The following TMEM132D variants were observed in gnomAD, a reference collection of about 807,000 sequenced individuals.
TMEM132D encodes the protein mature OL transmembrane protein.
A neutral mutation model predicts 62.3 loss-of-function variants in TMEM132D; 21 were observed. That is an observed-to-expected ratio of 0.34 (90% CI 0.24 to 0.49). The LOEUF is 0.49. Among genes scored for constraint, TMEM132D ranks in the 20% least tolerant of loss-of-function variants. TMEM132D has a pLI of 0.99. For synonymous variants in TMEM132D, 621 were observed against 575.6 expected (o/e 1.08, Z -1.13); for missense variants, 1,346 against 1,402.8 (o/e 0.96, Z 0.65).
intron 3 of TMEM132D, among the ~76,000 whole-genome samples, chr12:129,471,864 C>T (rs1874101506): frequency 6.6e-6 from 1 of 152,258 alleles, no homozygotes; most frequent in Non-Finnish European, 1.5e-5. Context: ...CCAGCCACAA[C>T]ATTCCCTTAA....
In TMEM132D at chr12:129,700,071, C is replaced by G. The variant is rs560334536; in HGVS notation, c.707G>C (p.Arg236Thr). Residue 236 changes from arginine to threonine, a missense_variant, in exon 2 of 9, where the codon AGA (arginine) becomes ACA (threonine). Physicochemically the swap from Arg to Thr is moderately conservative, Grantham distance 71. Transcript: ENST00000422113. ...LYYTVHPGGERGDCVREDARR... is the reference protein window; with the variant it reads ...LYYTVHPGGETGDCVREDARR... Reference sequence around the variant, plus strand: ...CGCGTCTTCCCTGACGCAGTCCCCTCTCTCACCCCCTGGGTGCACGGTGTA... The same window carrying G: ...CGCGTCTTCCCTGACGCAGTCCCCTGTCTCACCCCCTGGGTGCACGGTGTA... The G allele has an allele frequency of 6.2e-7, 1 of 1,613,626 alleles. No homozygotes were observed. Among genetic ancestry groups the G allele is most frequent in the Admixed American group, 1.7e-5 (1 of 60,010 alleles).
intron 4 of TMEM132D, among the ~76,000 whole-genome samples, chr12:129,210,693 C>T (rs1055941839): frequency 6.6e-6 from 1 of 152,180 alleles, no homozygotes; most frequent in African/African-American, 2.4e-5. Flanking sequence ...TATCTGCTTT[C>T]TGCTCACCAG....
intron 4 of TMEM132D, 22 bp downstream of exon 4, chr12:129,337,612 G>A (rs914701386): frequency 2.5e-6 from 4 of 1,613,156 alleles, no homozygotes; most frequent in Non-Finnish European, 3.4e-6. Flanking sequence ...AGTTCTAACA[G>A]CCCAGGGCGG....
chr12:129,727,990 T>C (rs1035607815), intron 1 of TMEM132D, among the ~76,000 whole-genome samples: 2 of 152,214 alleles, frequency 1.3e-5, no homozygotes, highest in African/African-American at 4.8e-5. Flanking sequence ...GATCACCGGC[T>C]GTATCCAGCT....
At chr12:129,746,111 G>A (rs1869768365) in intron 1 of TMEM132D, among the ~76,000 whole-genome samples, 1 of 152,222 alleles carries the variant, frequency 6.6e-6, no homozygotes, top group Non-Finnish European at 1.5e-5. Context: ...TTTGCAGGTA[G>A]AGAAGCAACA....
At chr12:129,179,800 G>A (rs986722693) in intron 5 of TMEM132D, among the ~76,000 whole-genome samples, 6 of 152,114 alleles carry the variant, frequency 3.9e-5, no homozygotes, top group African/African-American at 1.4e-4. Context: ...GGCTGAGATG[G>A]GTGGATCACA....
At chr12:129,612,924 C>G (rs1878815174) in intron 2 of TMEM132D, among the ~76,000 whole-genome samples, 1 of 152,164 alleles carries the variant, frequency 6.6e-6, no homozygotes, top group Non-Finnish European at 1.5e-5. Flanking sequence ...TTTTGTCAAT[C>G]TAATATTTTA....
intron 3 of TMEM132D, among the ~76,000 whole-genome samples, chr12:129,479,038 T>G (rs571374428): frequency 8.1e-4 from 124 of 152,346 alleles, no homozygotes; most frequent in African/African-American, 2.9e-3. Context: ...GGACTTCTAG[T>G]GCATGATTTT....
chr12:129,255,974 C>G (rs969637229), intron 4 of TMEM132D, among the ~76,000 whole-genome samples: 1 of 152,186 alleles, frequency 6.6e-6, no homozygotes, highest in Non-Finnish European at 1.5e-5. Context: ...CGAGTTAATA[C>G]CACCAAACCA....
At position 129,158,466 on chromosome 12, in the gene TMEM132D, C is replaced by A. The variant is rs1055118129; in HGVS notation, c.1443+51054G>T. Among the ~76,000 whole-genome samples the A allele has an allele frequency of 4.6e-5, 7 of 152,174 alleles. No homozygotes were observed. The East Asian group carries it at 1.3e-3, about 29-fold the overall frequency. On this transcript the variant is annotated intron_variant, in intron 5 of 8. Transcript: ENST00000422113. ...ATACCAAGTTGGAATGTGGCACAGA[C>A]AACTGGAACTCAGAACATAAAAGTG...
chr12:129,576,697 A>C (rs1194788711), intron 2 of TMEM132D, among the ~76,000 whole-genome samples: 1 of 151,786 alleles, frequency 6.6e-6, no homozygotes, highest in African/African-American at 2.4e-5. Context: ...AAATCTGTGA[A>C]TAACTTCTGA....
intron 4 of TMEM132D, among the ~76,000 whole-genome samples, chr12:129,317,997 G>GC (rs1868542784): frequency 6.6e-6 from 1 of 151,758 alleles, no homozygotes; most frequent in South Asian, 2.1e-4. Context: ...GAATTTTTTT[G>GC]TTTTTTTCTT....
chr12:129,769,093 T>C (rs1377324920), intron 1 of TMEM132D, among the ~76,000 whole-genome samples: 1 of 152,110 alleles, frequency 6.6e-6, no homozygotes, highest in Non-Finnish European at 1.5e-5. Context: ...AAGAGAAGAT[T>C]TCATCATTTT....
At chr12:129,876,078 G>A (rs982566759) in intron 1 of TMEM132D, among the ~76,000 whole-genome samples, 1 of 152,036 alleles carries the variant, frequency 6.6e-6, no homozygotes, top group African/African-American at 2.4e-5. Context: ...CATGGTTCCT[G>A]GTCTCCAATA....
intron 2 of TMEM132D, among the ~76,000 whole-genome samples, chr12:129,691,678 A>C (rs139577172): frequency 6.6e-6 from 1 of 152,286 alleles, no homozygotes; most frequent in African/African-American, 2.4e-5. Flanking sequence ...TAATTAGCTA[A>C]GTATTCCACA....
intron 1 of TMEM132D, among the ~76,000 whole-genome samples, chr12:129,722,948 G>A (rs769779653): frequency 5.3e-5 from 8 of 151,824 alleles, no homozygotes; most frequent in Non-Finnish European, 1.2e-4. Flanking sequence ...CACCATGTTG[G>A]CTAGGCTGGT....
rs779045364 is a variant in TMEM132D at position 129,700,014 on chromosome 12, C to T, written c.764G>A (p.Ser255Asn). ...GGGGGGCCCGGACTCATCGATGTCA[C>T]TGTGGCCTGTCCGGATCCCATTGCT... Reference protein sequence around the residue: ...RRSNGIRTGHSDIDESGPPLQ... With the variant: ...RRSNGIRTGHNDIDESGPPLQ... The change falls in exon 2 of 9, where the codon AGT becomes AAT. Residue 255 changes from serine (S) to asparagine (N), a missense_variant. By Grantham distance (46) the Ser-to-Asn change is conservative. Transcript: ENST00000422113. 1 of 1,614,058 alleles carries T rather than the reference C, an allele frequency of 6.2e-7. No individual in the cohort carries two copies. The highest frequency in any genetic ancestry group is 8.5e-7 in the Non-Finnish European group (1 of 1,180,042).
intron 3 of TMEM132D, among the ~76,000 whole-genome samples, chr12:129,523,963 C>T (rs1209248967): frequency 6.6e-6 from 1 of 152,130 alleles, no homozygotes; most frequent in Non-Finnish European, 1.5e-5. Context: ...CTATTCCCCA[C>T]AATGTCCAGA....
intron 1 of TMEM132D, among the ~76,000 whole-genome samples, chr12:129,805,690 AT>A (rs1871956311): frequency 6.6e-6 from 1 of 151,824 alleles, no homozygotes; most frequent in African/African-American, 2.4e-5. Flanking sequence ...GAATTGACAA[AT>A]GGGATCTAAT....
Sources: gnomAD v4.1 joint callset for allele counts (sites outside exome capture counted in the v4.1 genomes callset) on GRCh38, gnomAD v4.1.1 for gene constraint, MANE v1.5 for transcripts, NCBI Gene and HGNC (gene_info 2026-07-23, HGNC 2026-07-21) for gene names.